The following SLC67A2 variants were observed in gnomAD, a reference collection of about 807,000 sequenced individuals.
The protein encoded by SLC67A2 is solute carrier family 67 member 2.
chr2:102,727,544 ATATTTATTT>A, the SLC67A2 span, among the ~76,000 whole-genome samples: 1 of 152,198 alleles, frequency 6.6e-6, no homozygotes. Flanking sequence ...CTACATACCA[ATATTTATTT>A]AACAAATAGT....
At chr2:102,723,868 A>G in the SLC67A2 span, 162 of 1,614,018 alleles carry the variant, frequency 1.0e-4, no homozygotes, top group Non-Finnish European at 1.3e-4. Context: ...ACCACATCAG[A>G]AAGTAGAGCC....
the SLC67A2 span, among the ~76,000 whole-genome samples, chr2:102,724,776 G>A: frequency 3.3e-5 from 5 of 152,186 alleles, no homozygotes; most frequent in South Asian, 4.1e-4. Flanking sequence ...TGCTGCCGCC[G>A]AGTGCTTCAA....
At chr2:102,733,352 A>G in the SLC67A2 span, among the ~76,000 whole-genome samples, 8 of 152,282 alleles carry the variant, frequency 5.3e-5, no homozygotes, top group South Asian at 1.5e-3. Context: ...ACTCGCATGA[A>G]ATATGTATTT....
At chr2:102,718,672 G>A in the SLC67A2 span, 1 of 1,614,030 alleles carries the variant, frequency 6.2e-7, no homozygotes, top group South Asian at 1.1e-5. Context: ...TGCACGTCCT[G>A]CCAATGGCAG....
chr2:102,718,550 A>G, the SLC67A2 span: 9 of 1,612,616 alleles, frequency 5.6e-6, no homozygotes, highest in African/African-American at 1.2e-4. Flanking sequence ...CTCCTGGGCA[A>G]CCCCCGAGAG....
At chr2:102,735,846 G>GCGCACACACA in the SLC67A2 span, among the ~76,000 whole-genome samples, 36 of 149,594 alleles carry the variant, frequency 2.4e-4, no homozygotes, top group Middle Eastern at 3.2e-3. Flanking sequence ...ACGCGCGCGC[G>GCGCACACACA]CACACACACA....
At chr2:102,728,131 GA>G in the SLC67A2 span, among the ~76,000 whole-genome samples, 2 of 148,886 alleles carry the variant, frequency 1.3e-5, no homozygotes, top group Non-Finnish European at 3.0e-5. Flanking sequence ...AGCAATGTTT[GA>G]AAAAAAAAAG....
At chr2:102,734,328 A>G in the SLC67A2 span, among the ~76,000 whole-genome samples, 4 of 152,194 alleles carry the variant, frequency 2.6e-5, no homozygotes, top group Non-Finnish European at 5.9e-5. Flanking sequence ...AAGTGGTTGA[A>G]ATAATAGATC....
At chr2:102,721,283 T>A in the SLC67A2 span, among the ~76,000 whole-genome samples, 1 of 152,188 alleles carries the variant, frequency 6.6e-6, no homozygotes, top group Non-Finnish European at 1.5e-5. Flanking sequence ...CCTGGTCACA[T>A]CAACGAGGCA....
chr2:102,718,621 G>A, the SLC67A2 span: 14 of 1,613,738 alleles, frequency 8.7e-6, no homozygotes, highest in East Asian at 2.2e-5. Flanking sequence ...TAAGGGTGCC[G>A]CTGGCCTGGG....
chr2:102,728,907 GTTA>G, the SLC67A2 span, among the ~76,000 whole-genome samples: 1 of 152,170 alleles, frequency 6.6e-6, no homozygotes, highest in Non-Finnish European at 1.5e-5. Flanking sequence ...TTTGAGGCTG[GTTA>G]TTATAAGGAT....
chr2:102,724,929 A>G, the SLC67A2 span, among the ~76,000 whole-genome samples: 1 of 152,220 alleles, frequency 6.6e-6, no homozygotes. Context: ...TGTTTCCTTA[A>G]ATGTCAGAGA....
At chr2:102,736,544 G>A in the SLC67A2 span, 4 of 1,607,830 alleles carry the variant, frequency 2.5e-6, no homozygotes, top group Non-Finnish European at 3.4e-6. Flanking sequence ...CGGACTGCGG[G>A]TTCCCACTCC....
At chr2:102,714,765 C>A in the SLC67A2 span, among the ~76,000 whole-genome samples, 1 of 152,168 alleles carries the variant, frequency 6.6e-6, no homozygotes, top group Non-Finnish European at 1.5e-5. Context: ...ATCATCCTGG[C>A]TAAATCTGTG....
chr2:102,736,866 C>A, the SLC67A2 span: 3 of 1,505,990 alleles, frequency 2.0e-6, no homozygotes, highest in Non-Finnish European at 2.7e-6. Context: ...CCCCGGGAGC[C>A]CAGCCCCGCC....
At chr2:102,718,593 C>T in the SLC67A2 span, 1 of 1,613,288 alleles carries the variant, frequency 6.2e-7, no homozygotes, top group Non-Finnish European at 8.5e-7. Flanking sequence ...ACTGCAGTCA[C>T]AGACTGCCCC....
chr2:102,723,325 C>T, the SLC67A2 span, among the ~76,000 whole-genome samples: 4 of 152,052 alleles, frequency 2.6e-5, no homozygotes, highest in Non-Finnish European at 4.4e-5. Flanking sequence ...CAAAATTAAC[C>T]GGGTATGGTG....
At chr2:102,723,749 C>A in the SLC67A2 span, 1 of 1,614,140 alleles carries the variant, frequency 6.2e-7, no homozygotes, top group South Asian at 1.1e-5. Flanking sequence ...TGAGATAAAA[C>A]CCATCCTCTA....
the SLC67A2 span, among the ~76,000 whole-genome samples, chr2:102,727,657 A>AAATTCCCTT: frequency 6.6e-6 from 1 of 152,198 alleles, no homozygotes; most frequent in African/African-American, 2.4e-5. Context: ...ATACCCTTAA[A>AAATTCCCTT]AATTCCCTTA....
Sources: allele counts gnomAD v4.1 joint callset (sites outside exome capture counted in the v4.1 genomes callset), GRCh38; gene constraint gnomAD v4.1.1; transcripts MANE v1.5; gene names NCBI Gene and HGNC (gene_info 2026-07-23, HGNC 2026-07-21).